LRP1B: variants seen among roughly 807,000 people sequenced by gnomAD.
The protein encoded by LRP1B is low-density lipoprotein receptor-related protein 1B.
A neutral mutation model predicts 556.6 loss-of-function variants in LRP1B; 217 were observed. The observed-to-expected ratio is 0.39, with a 90% CI of 0.35 to 0.44. LRP1B has a LOEUF of 0.44. Ranked by LOEUF, LRP1B falls within the 20% of genes least tolerant of loss-of-function variation. The pLI, the probability that LRP1B is intolerant of heterozygous loss-of-function variation, is 1.00. For missense variants in LRP1B, 5,053 were observed against 5,620.8 expected, an observed-to-expected ratio of 0.90 and a Z score of 3.23; for synonymous variants, 2,047 against 1,865.8, an observed-to-expected ratio of 1.10 and a Z score of -2.50.
Position 141,219,898 on chromosome 2 carries a change from G to T in LRP1B, c.850+9285C>A, listed in dbSNP as rs300371. Among the ~76,000 whole-genome samples the T allele has an allele frequency of 5.9e-5, 9 of 152,224 alleles. No homozygotes were observed. In the South Asian group the frequency reaches 1.2e-3, roughly 21 times the overall value. Reference sequence around the variant, plus strand: ...ACAAACAGAAAGCAACAACAACATCGACAAAAAAGACCCCATAAAAACCCC... The same window carrying T: ...ACAAACAGAAAGCAACAACAACATCTACAAAAAAGACCCCATAAAAACCCC... On this transcript the variant is annotated intron_variant, in intron 6 of 90. Coordinates refer to ENST00000389484, the MANE Select transcript of LRP1B (RefSeq NM_018557.3).
chr2:141,153,153 C>G (rs544738516), intron 7 of LRP1B, among the ~76,000 whole-genome samples: 600 of 145,006 alleles, frequency 4.1e-3, no homozygotes, highest in Non-Finnish European at 6.9e-3. Flanking sequence ...CTTATACTAC[C>G]AAACATTTCA....
At chr2:140,796,943 CTT>C (rs900882235) in intron 32 of LRP1B, among the ~76,000 whole-genome samples, 1 of 151,174 alleles carries the variant, frequency 6.6e-6, no homozygotes, top group Non-Finnish European at 1.5e-5. Flanking sequence ...TCATGCTTCT[CTT>C]TATTTGTATT....
At chr2:141,526,913 T>G (rs957508046) in intron 2 of LRP1B, among the ~76,000 whole-genome samples, 1 of 152,088 alleles carries the variant, frequency 6.6e-6, no homozygotes. Flanking sequence ...ACATTTTTGG[T>G]TTTTGAAAGG....
At chr2:141,544,331 C>CTTCTTCTT (rs1553533168) in intron 2 of LRP1B, among the ~76,000 whole-genome samples, 295 of 29,488 alleles carry the variant, frequency 0.01, 10 homozygotes, top group South Asian at 0.021. Context: ...TCTTCTTCTT[C>CTTCTTCTT]TTCTTCTTCT....
chr2:140,399,164 TACACACACACACACAC>T (rs67690255), intron 66 of LRP1B, among the ~76,000 whole-genome samples: 3 of 122,412 alleles, frequency 2.5e-5, no homozygotes, highest in Non-Finnish European at 5.4e-5. Flanking sequence ...AAGACCAAGA[TACACACACACACACAC>T]ACACACACAC....
At chr2:141,707,601 C>T (rs949367357) in intron 2 of LRP1B, among the ~76,000 whole-genome samples, 2 of 152,106 alleles carry the variant, frequency 1.3e-5, no homozygotes, top group Non-Finnish European at 1.5e-5. Context: ...GTGTCTGCAC[C>T]ACTGTTGAAA....
intron 7 of LRP1B, among the ~76,000 whole-genome samples, chr2:141,130,074 G>C (rs1234223668): frequency 3.9e-5 from 6 of 151,904 alleles, no homozygotes; most frequent in Admixed American, 1.3e-4. Context: ...AATAATGTTG[G>C]CATGGGAGAG....
chr2:141,238,332 T>C (rs1227249969), intron 5 of LRP1B, among the ~76,000 whole-genome samples: 1 of 152,180 alleles, frequency 6.6e-6, no homozygotes, highest in Non-Finnish European at 1.5e-5. Flanking sequence ...GAGTTTAAAA[T>C]GTAATGGGTA....
chr2:140,976,706 T>A (rs1425909503), intron 18 of LRP1B, among the ~76,000 whole-genome samples: 1 of 151,868 alleles, frequency 6.6e-6, no homozygotes, highest in African/African-American at 2.4e-5. Context: ...AGATGGGGTT[T>A]CACCATGTTT....
intron 29 of LRP1B, among the ~76,000 whole-genome samples, chr2:140,847,846 T>C (rs1489455432): frequency 6.6e-6 from 1 of 151,802 alleles, no homozygotes; most frequent in Non-Finnish European, 1.5e-5. Flanking sequence ...TCCTAATGAG[T>C]ATATGTATTA....
At chr2:141,329,441 G>A (rs1397879365) in intron 3 of LRP1B, among the ~76,000 whole-genome samples, 1 of 149,374 alleles carries the variant, frequency 6.7e-6, no homozygotes, top group Admixed American at 6.6e-5. Context: ...TCAGGAGATC[G>A]AGACCATCCT....
intron 3 of LRP1B, among the ~76,000 whole-genome samples, chr2:141,324,526 G>A (rs1031268197): frequency 6.6e-5 from 10 of 152,012 alleles, no homozygotes; most frequent in African/African-American, 2.2e-4. Context: ...TTCTGAAAAT[G>A]ACATATATTT....
chr2:140,981,404 T>C (rs1696766063), intron 18 of LRP1B, among the ~76,000 whole-genome samples: 2 of 152,078 alleles, frequency 1.3e-5, no homozygotes, highest in Admixed American at 1.3e-4. Context: ...AGTTTTCCCA[T>C]AGAAATTTTA....
At chr2:140,521,907 A>C (rs1306689011) in intron 49 of LRP1B, among the ~76,000 whole-genome samples, 1 of 152,012 alleles carries the variant, frequency 6.6e-6, no homozygotes, top group Non-Finnish European at 1.5e-5. Flanking sequence ...AAACAACAAC[A>C]GTAGAAAAAA....
Position 141,737,462 on chromosome 2 carries a change from A to G in LRP1B, c.205+72817T>C, listed in dbSNP as rs544919325. On this transcript the variant is annotated intron_variant, in intron 2 of 90. Coordinates refer to ENST00000389484, the MANE Select transcript of LRP1B (RefSeq NM_018557.3). ...AGAGCTTCTTAAACAAGAGCTGCAG[A>G]GAAATCCTCATCAGGAGACTGGAGG... is the stretch of plus-strand genomic sequence containing the variant. 1.6e-3 allele frequency among the ~76,000 whole-genome samples: 239 copies of G among 152,334 alleles called. 1 individual carries two copies. The highest frequency in any genetic ancestry group is 5.5e-3 in the African/African-American group (230 of 41,580).
chr2:141,558,477 A>G lies in LRP1B; in HGVS notation c.206-77944T>C, dbSNP rs142365023. On this transcript the variant is annotated intron_variant, in intron 2 of 90. Transcript: ENST00000389484. ...TCAGTACCTTCTCTCTTCTTCACAT[A>G]AAATGGGATTCTCTATACATTCTTA... is the stretch of plus-strand genomic sequence containing the variant. 1.8e-4 allele frequency among the ~76,000 whole-genome samples: 27 copies of G among 151,946 alleles called. No homozygotes were observed. The East Asian group carries it at 5.2e-3, about 29-fold the overall frequency.
intron 7 of LRP1B, among the ~76,000 whole-genome samples, chr2:141,133,477 C>T (rs1234911467): frequency 6.6e-6 from 1 of 151,914 alleles, no homozygotes; most frequent in East Asian, 1.9e-4. Context: ...TGCTCTTTTC[C>T]TCAGTTTCCA....
chr2:141,329,263 C>T (rs1687543669), intron 3 of LRP1B, among the ~76,000 whole-genome samples: 1 of 151,114 alleles, frequency 6.6e-6, no homozygotes, highest in African/African-American at 2.4e-5. Flanking sequence ...TGGCAGGCTC[C>T]TGTAATCTCA....
At chr2:141,880,725 T>C (rs1271807323) in intron 1 of LRP1B, among the ~76,000 whole-genome samples, 2 of 152,046 alleles carry the variant, frequency 1.3e-5, no homozygotes, top group Non-Finnish European at 2.9e-5. Context: ...GTATCAATAA[T>C]TTAAATGTGC....
Sources: gnomAD v4.1 joint callset for allele counts (sites outside exome capture counted in the v4.1 genomes callset) on GRCh38, gnomAD v4.1.1 for gene constraint, MANE v1.5 for transcripts, NCBI Gene and HGNC (gene_info 2026-07-23, HGNC 2026-07-21) for gene names.